The following RNF212B variants were observed in gnomAD, a reference collection of about 807,000 sequenced individuals.
The protein encoded by RNF212B is ring finger protein 212B.
RNF212B carries 52 observed loss-of-function variants against 55.5 expected under a neutral mutation model. That is an observed-to-expected ratio of 0.94 (90% confidence interval 0.75 to 1.18). RNF212B has a LOEUF of 1.18. RNF212B is among the 50% of genes most tolerant of loss of function. The pLI is 0.00. For missense variants in RNF212B, 289 were observed against 350.4 expected, an observed-to-expected ratio of 0.82 and a Z score of 1.40; for synonymous variants, 99 against 121.4, an observed-to-expected ratio of 0.82 and a Z score of 1.21.
intron 2 of RNF212B, among the ~76,000 whole-genome samples, chr14:23,222,021 T>G (rs178753): frequency 6.6e-6 from 1 of 151,844 alleles, no homozygotes; most frequent in African/African-American, 2.4e-5. Context: ...GCTATAAGTG[T>G]CTACATCAAA....
chr14:23,189,416 T>C (rs1566382955), intron 1 of RNF212B, among the ~76,000 whole-genome samples: 1 of 152,278 alleles, frequency 6.6e-6, no homozygotes, highest in East Asian at 1.9e-4. Flanking sequence ...ACTTTGCTCT[T>C]GAAATTATTC....
intron 3 of RNF212B, among the ~76,000 whole-genome samples, chr14:23,243,719 A>T (rs1183396258): frequency 1.0e-5 from 1 of 96,740 alleles, no homozygotes; most frequent in Non-Finnish European, 2.1e-5. Flanking sequence ...AAAAAAAAAA[A>T]GCAAGCAAGC....
At chr14:23,215,178 T>C (rs1880944714) in intron 2 of RNF212B, among the ~76,000 whole-genome samples, 1 of 152,134 alleles carries the variant, frequency 6.6e-6, no homozygotes, top group African/African-American at 2.4e-5. Context: ...TGTTTGGCAG[T>C]TCCCCCCACC....
intron 2 of RNF212B, among the ~76,000 whole-genome samples, chr14:23,226,688 G>A (rs962669553): frequency 2.0e-5 from 3 of 151,950 alleles, no homozygotes; most frequent in African/African-American, 7.3e-5. Flanking sequence ...GGTAAGAGAT[G>A]GCACAAGGCA....
chr14:23,259,963 C>T lies in RNF212B; in HGVS notation c.405+19C>T. ...TCTAAAGGTGAATGAAATAGATTTT[C>T]CTTATTATTATTTTCTCTCTTACTT... is the stretch of plus-strand genomic sequence containing the variant. On this transcript the variant is annotated intron_variant, in intron 6 of 14. Transcript: ENST00000430154. 1.5e-6 allele frequency: 2 copies of T among 1,298,852 alleles called. No individual in the cohort carries two copies. The highest frequency in any genetic ancestry group is 1.4e-5 in the South Asian group (1 of 69,042). The allele number at this position is 1,298,852 out of a possible 1,614,324, so 80.5% of individuals were successfully genotyped here.
At chr14:23,234,936 G>A (rs1483612068), upstream of RNF212B, among the ~76,000 whole-genome samples, 1 of 152,082 alleles carries the variant, frequency 6.6e-6, no homozygotes, top group Non-Finnish European at 1.5e-5. Context: ...AATTAGGGCT[G>A]GGTACGGTGG....
rs2140476328 is a variant in RNF212B, at chr14:23,262,645, T to TC, written c.435-19dup. On this transcript the variant is annotated intron_variant, in intron 7 of 14. Coordinates refer to ENST00000430154, the MANE Select transcript of RNF212B (RefSeq NM_001282322.3). ...TCTGCCTAGAGAGATTAGAGCCGCC[T>TC]CTTTTTTTTTCCCTTGCAGGTCAAT... The TC allele has an allele frequency of 6.6e-7, 1 of 1,517,246 alleles. No individual in the cohort carries two copies. The highest frequency in any genetic ancestry group is 2.5e-5 in the East Asian group (1 of 40,616). The allele number at this position is 1,517,246 out of a possible 1,614,324, so 94.0% of individuals were successfully genotyped here.
chr14:23,234,503 G>T (rs1410757680), upstream of RNF212B, among the ~76,000 whole-genome samples: 1 of 152,118 alleles, frequency 6.6e-6, no homozygotes, highest in Non-Finnish European at 1.5e-5. Context: ...AACAGTATGA[G>T]AAACAGACTC....
rs569503372 is a variant in RNF212B, at chr14:23,216,088, T to TA, written c.-2+22695dup. ...GTGAAACCCCCATCTCTACTAAAAA[T>TA]AAAAAAAATTAGCTGAGTGTGGTGG... On this transcript the variant is annotated intron_variant, in intron 2 of 15. Transcript: ENST00000399910. Among the ~76,000 whole-genome samples, 635 of 151,212 alleles carry TA rather than the reference T, an allele frequency of 4.2e-3. 4 individuals are homozygous for TA. Among genetic ancestry groups the TA allele is most frequent in the African/African-American group, 0.014 (583 of 41,216 alleles).
At position 23,272,873 on chromosome 14, in the gene RNF212B, A is replaced by G; in HGVS notation, c.885A>G (p.Ala295=). Residue 295 remains alanine (A), a synonymous_variant, in exon 15 of 15, where the codon GCA becomes GCG. Coordinates refer to ENST00000430154, the MANE Select transcript of RNF212B (RefSeq NM_001282322.3). ...TGGGATTACCCAGTGGGAGAGAAGC[A>G]TGGACCACTTCTAGATAGATCATCT... is the stretch of plus-strand genomic sequence containing the variant. ...RHMGLPSGRE[A]WTTSR is the part of the protein sequence containing the mutation. 1 of 1,544,382 alleles carries G rather than the reference A, an allele frequency of 6.5e-7. No individual in the cohort carries two copies. Among genetic ancestry groups the G allele is most frequent in the Admixed American group, 2.0e-5 (1 of 50,660 alleles).
chr14:23,240,392 AT>A lies in RNF212B; in HGVS notation c.50del (p.Phe17SerfsTer15). 6.5e-7 allele frequency: 1 copy of A among 1,550,322 alleles called. No individual in the cohort carries two copies. Among genetic ancestry groups the A allele is most frequent in the Non-Finnish European group, 8.7e-7 (1 of 1,146,890 alleles). ...CNQCFRKDGAHFFVTSCGHIF... is the reference protein window; with the variant it reads ...CNQCFRKDGAXFFVTSCGHIF... ...CAGTGCTTCCGAAAAGATGGGGCCC[AT>A]TTCTTTGTCACCAGCTGTGGCCATA... On this transcript the variant is annotated frameshift_variant, in exon 2 of 15. Coordinates refer to ENST00000430154, the MANE Select transcript of RNF212B (RefSeq NM_001282322.3). LOFTEE classifies it high-confidence loss of function.
upstream of RNF212B, among the ~76,000 whole-genome samples, chr14:23,234,312 G>T (rs1411336732): frequency 1.3e-5 from 2 of 150,228 alleles, no homozygotes; most frequent in Admixed American, 1.3e-4. Flanking sequence ...GTGTGTGTGT[G>T]TGTACATGCA....
intron 4 of RNF212B, among the ~76,000 whole-genome samples, chr14:23,256,876 C>T (rs552888781): frequency 6.6e-6 from 1 of 151,988 alleles, no homozygotes; most frequent in South Asian, 2.1e-4. Context: ...ATTTTTTGGC[C>T]GGGCATGGTG....
rs1171031811 is a variant in RNF212B, at chr14:23,257,156, C to CA, written c.229-1392dup. Among the ~76,000 whole-genome samples the CA allele has an allele frequency of 1.3e-3, 200 of 151,076 alleles. 1 individual carries two copies. Among genetic ancestry groups the CA allele is most frequent in the African/African-American group, 4.6e-3 (187 of 40,920 alleles). On this transcript the variant is annotated intron_variant, in intron 4 of 14. Transcript: ENST00000430154. The stretch of plus-strand genomic sequence containing the variant: ...CGACAGAGCGAGACTCAGTCACACA[C>CA]ACACAAAAAAAATAAAATAAAATAA...
At chr14:23,232,444 C>T (rs568508289) in intron 2 of RNF212B, among the ~76,000 whole-genome samples, 120 of 113,460 alleles carry the variant, frequency 1.1e-3, no homozygotes, top group African/African-American at 3.1e-3. Flanking sequence ...CGCCTCCGCC[C>T]GGCAGCCGCC....
At chr14:23,231,629 C>T (rs71418271) in intron 2 of RNF212B, among the ~76,000 whole-genome samples, 6 of 152,028 alleles carry the variant, frequency 3.9e-5, no homozygotes, top group Admixed American at 2.0e-4. Context: ...CCCCTCTCCC[C>T]TCTCCCCTCT....
At chr14:23,244,175 T>C in intron 3 of RNF212B, 147 bp from the exon 4 acceptor site, 1 of 537,938 alleles carries the variant, frequency 1.9e-6, no homozygotes, top group Non-Finnish European at 3.3e-6. Context: ...ATAATGTACA[T>C]CTAGAAGAGT....
At chr14:23,270,765 A>G in intron 14 of RNF212B, 104 bp downstream of exon 14, 1 of 745,582 alleles carries the variant, frequency 1.3e-6, no homozygotes, top group Non-Finnish European at 2.3e-6. Flanking sequence ...GAAGAACGAC[A>G]TGGGTTTCAA....
rs538392003 is a variant in RNF212B at position 23,273,077 on chromosome 14, A to C, written c.*186A>C. 7.3e-6 allele frequency: 3 copies of C among 408,388 alleles called. No individual in the cohort carries two copies. Among genetic ancestry groups the C allele is most frequent in the East Asian group, 7.5e-5 (2 of 26,500 alleles). The allele number at this position is 408,388 out of a possible 1,614,324, so 25.3% of individuals were successfully genotyped here. On this transcript the variant is annotated 3_prime_UTR_variant, in exon 15 of 15. Coordinates refer to ENST00000430154, the MANE Select transcript of RNF212B (RefSeq NM_001282322.3). ...CCTCCCAGGACAGTGGTCAGGTCTT[A>C]CAAAAGGCTAGTGCTTCAGGAAGAT...
Sources: gnomAD v4.1 joint callset for allele counts (sites outside exome capture counted in the v4.1 genomes callset) on GRCh38, gnomAD v4.1.1 for gene constraint, MANE v1.5 for transcripts, NCBI Gene and HGNC (gene_info 2026-07-23, HGNC 2026-07-21) for gene names.